SVOPL: variants seen among roughly 807,000 people sequenced by gnomAD.
SVOPL encodes SVOP like, also known as putative transporter SVOPL.
In SVOPL, 60 loss-of-function variants were observed where a neutral mutation model predicts 61.0. The ratio of observed to expected loss-of-function variants is 0.98; its 90% CI spans 0.80 to 1.22. The LOEUF is 1.22. Among genes scored for constraint, SVOPL ranks in the 50% most tolerant of loss-of-function variants. The probability of loss-of-function intolerance (pLI) is 0.00; values close to 1 mark genes in which losing one functional copy is unlikely to be tolerated. For synonymous variants in SVOPL, 279 were observed against 250.0 expected (o/e 1.12, Z -1.09); for missense variants, 662 against 643.9 (o/e 1.03, Z -0.30).
At chr7:138,674,520 G>T (rs1449485317) in intron 3 of SVOPL, among the ~76,000 whole-genome samples, 1 of 151,832 alleles carries the variant, frequency 6.6e-6, no homozygotes, top group Non-Finnish European at 1.5e-5. Context: ...GCCTGGCAGA[G>T]AGCCCTTCCT....
intron 15 of SVOPL, among the ~76,000 whole-genome samples, chr7:138,595,195 GCTGT>G (rs149817626): frequency 0.076 from 11,515 of 152,184 alleles, 580 homozygotes; most frequent in African/African-American, 0.14. Context: ...TTATTAGGAT[GCTGT>G]CTGTATGTGT....
At chr7:138,684,991 G>GGT (rs1802773941) in intron 1 of SVOPL, among the ~76,000 whole-genome samples, 1 of 147,206 alleles carries the variant, frequency 6.8e-6, no homozygotes, top group African/African-American at 2.5e-5. Context: ...AGAGTGCAAT[G>GGT]GCAGGATCTC....
chr7:138,643,422 C>CAAAAAAA (rs36014220), intron 9 of SVOPL, among the ~76,000 whole-genome samples: 54 of 67,226 alleles, frequency 8.0e-4, no homozygotes, highest in African/African-American at 2.5e-3. Context: ...GACTCCATCT[C>CAAAAAAA]AAAAAAAAAA....
At position 138,639,472 on chromosome 7, in the gene SVOPL, C is replaced by T. The variant is rs111466743; in HGVS notation, c.789+5245G>A. ...TGAAACCCTGTCTCTATTAAAAAAACGAAAGTTATTTGGGCGTGGTGGCGG... is the reference window on the plus strand; with the variant it reads ...TGAAACCCTGTCTCTATTAAAAAAATGAAAGTTATTTGGGCGTGGTGGCGG... On this transcript the variant is annotated intron_variant, in intron 9 of 15. Coordinates refer to ENST00000674285, the MANE Select transcript of SVOPL (RefSeq NM_001139456.2). Among the ~76,000 whole-genome samples, 35 of 151,500 alleles carry T rather than the reference C, an allele frequency of 2.3e-4. 1 individual carries two copies. The highest frequency in any genetic ancestry group is 6.8e-4 in the African/African-American group (28 of 41,308).
chr7:138,682,658 T>TA (rs1283787878), intron 1 of SVOPL, among the ~76,000 whole-genome samples: 4 of 151,994 alleles, frequency 2.6e-5, no homozygotes, highest in Admixed American at 1.3e-4. Flanking sequence ...AAATCAACTA[T>TA]AAAAAATTTA....
chr7:138,639,116 A>G (rs933146802), intron 9 of SVOPL, among the ~76,000 whole-genome samples: 1 of 151,978 alleles, frequency 6.6e-6, no homozygotes, highest in Admixed American at 6.6e-5. Context: ...TTAACTGGGC[A>G]TGGTGGCATA....
intron 12 of SVOPL, 83 bp downstream of exon 12, chr7:138,627,267 C>A: frequency 9.6e-7 from 1 of 1,040,722 alleles, no homozygotes; most frequent in Non-Finnish European, 1.4e-6. Flanking sequence ...GTGACTTGTC[C>A]CTGAAACTAC....
chr7:138,641,814 TTATATATATA>T (rs10666134), intron 9 of SVOPL, among the ~76,000 whole-genome samples: 2 of 120,972 alleles, frequency 1.7e-5, no homozygotes, highest in African/African-American at 6.1e-5. Context: ...TATATATATG[TTATATATATA>T]TATATATATA....
At chr7:138,672,656 T>TTAAAAAAAAAAAAAAA (rs35924408) in intron 3 of SVOPL, among the ~76,000 whole-genome samples, 1 of 118,858 alleles carries the variant, frequency 8.4e-6, no homozygotes, top group African/African-American at 3.3e-5. Context: ...TTTTTGTGTT[T>TTAAAAAAAAAAAAAAA]AAAAAAAAAA....
rs200073242 is a variant in SVOPL, at chr7:138,688,764, G to A, written c.-34-9685C>T. Reference sequence around the variant, plus strand: ...CTCAAAGGGTAAACATAGAGTTACCGTATGTGCTGTTCCACTCCTAGGTAT... The same window carrying A: ...CTCAAAGGGTAAACATAGAGTTACCATATGTGCTGTTCCACTCCTAGGTAT... On this transcript the variant is annotated intron_variant, in intron 1 of 15. Coordinates refer to ENST00000674285, the MANE Select transcript of SVOPL (RefSeq NM_001139456.2). 2.4e-4 allele frequency among the ~76,000 whole-genome samples: 36 copies of A among 152,252 alleles called. No homozygotes were observed. The South Asian group carries it at 3.3e-3, about 14-fold the overall frequency.
chr7:138,629,237 ATTT>A, intron 10 of SVOPL, among the ~76,000 whole-genome samples: 1 of 140,152 alleles, frequency 7.1e-6, no homozygotes, highest in East Asian at 2.1e-4. Context: ...GCTCTTCATG[ATTT>A]TTTTTTTTTT....
chr7:138,654,704 A>G (rs1341209428), intron 7 of SVOPL, among the ~76,000 whole-genome samples: 1 of 151,866 alleles, frequency 6.6e-6, no homozygotes, highest in Non-Finnish European at 1.5e-5. Context: ...GTTTTTTAAA[A>G]TATTACTGCT....
chr7:138,640,126 T>C (rs539045833), intron 9 of SVOPL, among the ~76,000 whole-genome samples: 1 of 152,084 alleles, frequency 6.6e-6, no homozygotes, highest in African/African-American at 2.4e-5. Flanking sequence ...AAGATGCACA[T>C]GGAAAATACT....
chr7:138,644,267 C>A (rs1800982344), intron 9 of SVOPL, among the ~76,000 whole-genome samples: 3 of 147,672 alleles, frequency 2.0e-5, no homozygotes, highest in Admixed American at 2.0e-4. Flanking sequence ...TCTCCAACCA[C>A]TCAAAATAGA....
intron 4 of SVOPL, among the ~76,000 whole-genome samples, chr7:138,671,592 C>T (rs944124035): frequency 4.9e-4 from 74 of 152,296 alleles, no homozygotes; most frequent in African/African-American, 1.7e-3. Flanking sequence ...AGGTGATCTG[C>T]CTGCCTCAGC....
intron 1 of SVOPL, among the ~76,000 whole-genome samples, chr7:138,686,020 T>TA (rs1459140717): frequency 1.3e-5 from 2 of 152,286 alleles, no homozygotes; most frequent in East Asian, 3.9e-4. Flanking sequence ...TACCAGTTTT[T>TA]ATGTCATTCA....
At chr7:138,673,013 CTG>C (rs952001104) in intron 3 of SVOPL, among the ~76,000 whole-genome samples, 11 of 151,280 alleles carry the variant, frequency 7.3e-5, no homozygotes, top group African/African-American at 2.7e-4. Context: ...TCAAAGATGA[CTG>C]AGATTTTGTG....
chr7:138,628,450 G>A (rs1435015620), intron 10 of SVOPL, 87 bp from the exon 11 acceptor site: 2 of 1,379,700 alleles, frequency 1.4e-6, no homozygotes, highest in East Asian at 2.3e-5. Context: ...GGAACGTGTA[G>A]CATGTGGAAA....
chr7:138,623,446 A>G (rs918879391), intron 13 of SVOPL, among the ~76,000 whole-genome samples: 2 of 152,092 alleles, frequency 1.3e-5, no homozygotes, highest in Non-Finnish European at 2.9e-5. Flanking sequence ...TAAAAATACA[A>G]AAAATTAGCC....
Sources: allele counts gnomAD v4.1 joint callset (sites outside exome capture counted in the v4.1 genomes callset), GRCh38; gene constraint gnomAD v4.1.1; transcripts MANE v1.5; gene names NCBI Gene and HGNC (gene_info 2026-07-23, HGNC 2026-07-21).